TTC7A: variants seen among roughly 807,000 people sequenced by gnomAD.
TTC7A encodes tetratricopeptide repeat domain 7A.
A neutral mutation model predicts 103.7 loss-of-function variants in TTC7A; 110 were observed. The ratio of observed to expected loss-of-function variants is 1.06; its 90% CI spans 0.91 to 1.24. The LOEUF is 1.24. Among genes scored for constraint, TTC7A ranks in the 50% most tolerant of loss-of-function variants. TTC7A has a pLI of 0.00. For missense variants in TTC7A, 1,340 were observed against 1,116.3 expected, an observed-to-expected ratio of 1.20 and a Z score of -2.86; for synonymous variants, 521 against 467.9, an observed-to-expected ratio of 1.11 and a Z score of -1.47.
At chr2:46,961,470 A>G (rs11125105) in intron 3 of TTC7A, among the ~76,000 whole-genome samples, 103,244 of 151,030 alleles carry the variant, frequency 0.68, 35,604 homozygotes, top group East Asian at 0.74. Flanking sequence ...CCAGCTACTC[A>G]GGAGGCTGAG....
At position 47,074,023 on chromosome 2, in the gene TTC7A, A is replaced by T; in HGVS notation, c.*100A>T. On this transcript the variant is annotated 3_prime_UTR_variant, in exon 20 of 20. Coordinates refer to ENST00000319190, the MANE Select transcript of TTC7A (RefSeq NM_020458.4). The stretch of plus-strand genomic sequence containing the variant: ...ACAGTGGCATCAGGTGCGGGGCCTC[A>T]GGGAAATACATCTTTAGTGAACGCC... 1 of 869,292 alleles carries T rather than the reference A, an allele frequency of 1.2e-6. No homozygotes were observed. Among genetic ancestry groups the T allele is most frequent in the East Asian group, 2.7e-5 (1 of 37,516 alleles). The allele number at this position is 869,292 out of a possible 1,614,324, so 53.8% of individuals were successfully genotyped here.
intron 19 of TTC7A, among the ~76,000 whole-genome samples, chr2:47,068,883 A>AG (rs1684414846): frequency 3.3e-5 from 1 of 30,624 alleles, no homozygotes; most frequent in South Asian, 1.1e-3. Context: ...AAAAAAAAAA[A>AG]AAAAGAAAGA....
chr2:47,041,836 G>C (rs779732264), intron 15 of TTC7A, among the ~76,000 whole-genome samples: 2 of 152,062 alleles, frequency 1.3e-5, no homozygotes, highest in Non-Finnish European at 2.9e-5. Context: ...ACATAGTAGG[G>C]GAAGGGAAAA....
At chr2:46,974,859 T>A in intron 3 of TTC7A, 114 bp from the exon 4 acceptor site, 42 of 1,409,506 alleles carry the variant, frequency 3.0e-5, no homozygotes, top group East Asian at 7.8e-5. Context: ...CGCCTCCTCC[T>A]GGCTGCACCA....
chr2:47,063,987 T>C (rs917129257), intron 19 of TTC7A, among the ~76,000 whole-genome samples: 3 of 152,206 alleles, frequency 2.0e-5, no homozygotes, highest in Non-Finnish European at 4.4e-5. Context: ...TCTAAGAATA[T>C]AAGTTTTGGC....
chr2:47,026,399 G>A (rs1419844569), intron 14 of TTC7A, among the ~76,000 whole-genome samples: 1 of 152,192 alleles, frequency 6.6e-6, no homozygotes, highest in Non-Finnish European at 1.5e-5. Flanking sequence ...AAAGTAAGGT[G>A]CCCGGGGAGA....
At chr2:47,023,586 T>A in intron 13 of TTC7A, 121 bp downstream of exon 13, 1 of 1,064,612 alleles carries the variant, frequency 9.4e-7, no homozygotes, top group East Asian at 2.6e-5. Flanking sequence ...ATTTTACAGA[T>A]GAGGGAACTG....
chr2:47,065,166 A>G (rs1684083339), intron 19 of TTC7A, among the ~76,000 whole-genome samples: 1 of 152,228 alleles, frequency 6.6e-6, no homozygotes, highest in Admixed American at 6.5e-5. Context: ...GGGCGCCTGT[A>G]GTCCCAGCTA....
intron 5 of TTC7A, among the ~76,000 whole-genome samples, chr2:46,987,844 TTG>T (rs1675197935): frequency 8.0e-6 from 1 of 125,526 alleles, no homozygotes; most frequent in Non-Finnish European, 1.7e-5. Context: ...GTGTGTGTGT[TTG>T]TGTGTGTCAC....
At chr2:47,003,038 T>G (rs921553675) in intron 8 of TTC7A, among the ~76,000 whole-genome samples, 1 of 152,164 alleles carries the variant, frequency 6.6e-6, no homozygotes, top group African/African-American at 2.4e-5. Context: ...CCTATTCTTC[T>G]GACCTAATTA....
At chr2:47,022,062 A>AC (rs1429185097) in intron 12 of TTC7A, 83 bp downstream of exon 12, 3 of 968,010 alleles carry the variant, frequency 3.1e-6, no homozygotes, top group Non-Finnish European at 4.7e-6. Context: ...TCCTACCGGC[A>AC]CCCCTCCCCT....
intron 10 of TTC7A, among the ~76,000 whole-genome samples, chr2:47,009,546 GA>G (rs2104473423): frequency 1.3e-5 from 2 of 152,290 alleles, no homozygotes; most frequent in South Asian, 4.1e-4. Flanking sequence ...AGATGGCGGG[GA>G]AAAGGGGAGG....
In TTC7A at chr2:46,956,987, C is replaced by T. The variant is rs752931401; in HGVS notation, c.497C>T (p.Ser166Leu). 45 of 1,614,018 alleles carry T rather than the reference C, an allele frequency of 2.8e-5. No individual in the cohort carries two copies. Among genetic ancestry groups the T allele is most frequent in the East Asian group, 4.5e-5 (2 of 44,890 alleles). The change falls in exon 3 of 20, where the codon TCG (serine) becomes TTG (leucine). Residue 166 changes from serine (S) to leucine (L), a missense_variant. Ser to Leu is a moderately radical substitution (Grantham distance 145). Transcript: ENST00000319190. ...CCCCTGTATCAGATGCGGCTGCTGT[C>T]GGAGGCTTTTGTCATCAAAGGTAGC... ...NKPLYQMRLL[S>L]EAFVIKGLSL...
At chr2:46,949,875 A>AAAAC (rs965609661) in intron 1 of TTC7A, among the ~76,000 whole-genome samples, 1 of 152,170 alleles carries the variant, frequency 6.6e-6, no homozygotes. Context: ...GACTCTGTTT[A>AAAAC]AAACAAACAA....
At chr2:46,948,876 G>GCTT (rs1389695548) in intron 1 of TTC7A, among the ~76,000 whole-genome samples, 1 of 152,190 alleles carries the variant, frequency 6.6e-6, no homozygotes, top group Admixed American at 6.5e-5. Flanking sequence ...AGCAAAAAGA[G>GCTT]CACTTTGAAA....
chr2:46,948,708 C>T (rs1424431699), intron 1 of TTC7A, among the ~76,000 whole-genome samples: 1 of 152,148 alleles, frequency 6.6e-6, no homozygotes, highest in African/African-American at 2.4e-5. Context: ...AATTCTTCCA[C>T]CTCAGCCTCC....
chr2:47,022,962 T>C (rs1271709060), intron 12 of TTC7A, among the ~76,000 whole-genome samples: 1 of 152,218 alleles, frequency 6.6e-6, no homozygotes, highest in Non-Finnish European at 1.5e-5. Flanking sequence ...GTTAGTTAAG[T>C]GTGCAGCCAA....
At chr2:47,002,676 G>A (rs1676948075) in intron 8 of TTC7A, among the ~76,000 whole-genome samples, 1 of 152,096 alleles carries the variant, frequency 6.6e-6, no homozygotes, top group Admixed American at 6.5e-5. Context: ...CCCCTGAGCT[G>A]CACATTAATT....
At chr2:47,009,768 AT>A (rs1419239863) in intron 10 of TTC7A, among the ~76,000 whole-genome samples, 1 of 152,110 alleles carries the variant, frequency 6.6e-6, no homozygotes, top group Non-Finnish European at 1.5e-5. Context: ...GGGAATTGTC[AT>A]AGTTACACAC....
Sources: gnomAD v4.1 joint callset for allele counts (sites outside exome capture counted in the v4.1 genomes callset) on GRCh38, gnomAD v4.1.1 for gene constraint, MANE v1.5 for transcripts, NCBI Gene and HGNC (gene_info 2026-07-23, HGNC 2026-07-21) for gene names.